CLMN: variants seen among roughly 807,000 people sequenced by gnomAD.
The protein encoded by CLMN is calmin.
A neutral mutation model predicts 92.7 loss-of-function variants in CLMN; 57 were observed. The observed-to-expected ratio is 0.61, with a 90% CI of 0.50 to 0.77. The LOEUF is 0.77. Ranked by LOEUF, CLMN falls within the 30% of genes least tolerant of loss-of-function variation. The pLI, the probability that CLMN is intolerant of heterozygous loss-of-function variation, is 0.00. For missense variants in CLMN, 1,158 were observed against 1,237.5 expected, an observed-to-expected ratio of 0.94 and a Z score of 0.96; for synonymous variants, 466 against 470.6, an observed-to-expected ratio of 0.99 and a Z score of 0.13.
chr14:95,287,863 T>C (rs1003728187), intron 1 of CLMN, among the ~76,000 whole-genome samples: 16 of 152,258 alleles, frequency 1.1e-4, no homozygotes, highest in Non-Finnish European at 1.8e-4. Flanking sequence ...CTATCTGCAT[T>C]TCCCTCCCTG....
chr14:95,311,090 G>A (rs1240215922), intron 1 of CLMN, among the ~76,000 whole-genome samples: 4 of 152,138 alleles, frequency 2.6e-5, no homozygotes, highest in Admixed American at 2.6e-4. Context: ...AGGCCCAAAT[G>A]AGACAGACAT....
At chr14:95,268,023 G>A (rs1197372483) in intron 1 of CLMN, among the ~76,000 whole-genome samples, 2 of 152,108 alleles carry the variant, frequency 1.3e-5, no homozygotes, top group Admixed American at 6.5e-5. Flanking sequence ...GAAGGAGAGA[G>A]GGGAGAGGGG....
chr14:95,214,626 A>G (rs1425370617), intron 5 of CLMN, among the ~76,000 whole-genome samples: 1 of 152,024 alleles, frequency 6.6e-6, no homozygotes, highest in Non-Finnish European at 1.5e-5. Context: ...TTCTGGGATT[A>G]TATGCGTGAG....
At chr14:95,243,806 C>G (rs1212257994) in intron 1 of CLMN, among the ~76,000 whole-genome samples, 7 of 150,920 alleles carry the variant, frequency 4.6e-5, no homozygotes, top group Admixed American at 4.6e-4. Context: ...ACTGGAGAGG[C>G]CTTTCAGTAA....
chr14:95,185,241 T>G lies in CLMN; in HGVS notation c.*6323A>C, dbSNP rs772949046. The G allele has an allele frequency of 6.6e-6, 1 of 152,288 alleles. No individual in the cohort carries two copies. The highest frequency in any genetic ancestry group is 1.5e-5 in the Non-Finnish European group (1 of 68,090). 9.4% of individuals were successfully genotyped at this position (152,288 alleles called of 1,614,324 possible). ...CACCGGGCTCACTTCCATGAGCTGCTGACTGCTGTTTTCCAAGGAAATGCC... is the reference window on the plus strand; with the variant it reads ...CACCGGGCTCACTTCCATGAGCTGCGGACTGCTGTTTTCCAAGGAAATGCC... On this transcript the variant is annotated 3_prime_UTR_variant, in exon 13 of 13. Transcript: ENST00000298912.
chr14:95,254,757 G>A (rs900242771), intron 1 of CLMN, among the ~76,000 whole-genome samples: 2 of 152,188 alleles, frequency 1.3e-5, no homozygotes, highest in African/African-American at 2.4e-5. Flanking sequence ...GAGTGCAGTG[G>A]TGCAATTACG....
At chr14:95,299,737 G>A (rs1230081115) in intron 1 of CLMN, among the ~76,000 whole-genome samples, 1 of 152,154 alleles carries the variant, frequency 6.6e-6, no homozygotes, top group African/African-American at 2.4e-5. Context: ...GATTTTTTCT[G>A]CATTTAAATC....
At chr14:95,319,665 C>T (rs765106821) in intron 1 of CLMN, 46 bp downstream of exon 1, 13 of 1,480,110 alleles carry the variant, frequency 8.8e-6, no homozygotes, top group South Asian at 1.2e-5. Flanking sequence ...GCGCCCCGGG[C>T]CCCCCGAGCG....
At chr14:95,247,015 TG>T (rs2140670402) in intron 1 of CLMN, among the ~76,000 whole-genome samples, 1 of 152,296 alleles carries the variant, frequency 6.6e-6, no homozygotes, top group South Asian at 2.1e-4. Flanking sequence ...TTCACAGTAC[TG>T]ATCAGGCTGT....
At chr14:95,225,568 G>T (rs1340999999) in intron 2 of CLMN, among the ~76,000 whole-genome samples, 1 of 152,252 alleles carries the variant, frequency 6.6e-6, no homozygotes, top group African/African-American at 2.4e-5. Context: ...CATTCAGAGG[G>T]TGTATGCCTT....
At chr14:95,313,206 C>T (rs1457733936) in intron 1 of CLMN, among the ~76,000 whole-genome samples, 16 of 152,106 alleles carry the variant, frequency 1.1e-4, no homozygotes, top group Admixed American at 7.2e-4. Context: ...AACTCTGTCT[C>T]AAAAAAATAA....
Position 95,204,342 on chromosome 14 carries a change from T to C in CLMN, c.1007A>G (p.Tyr336Cys). The change falls in exon 9 of 13, where the codon TAC becomes TGC. Residue 336 changes from tyrosine to cysteine, a missense_variant. Physicochemically the swap from Tyr to Cys is radical, Grantham distance 194. Coordinates refer to ENST00000298912, the MANE Select transcript of CLMN (RefSeq NM_024734.4). ...GTGGCTGGTTTCATGGTTAACAGTG[T>C]AGGTACGCTCCCCATTTTCAGTCAG... ...FVLTENGERT[Y>C]TVNHETSHPP... 1 of 1,614,112 alleles carries C rather than the reference T, an allele frequency of 6.2e-7. No homozygotes were observed. Among genetic ancestry groups the C allele is most frequent in the Non-Finnish European group, 8.5e-7 (1 of 1,180,022 alleles).
Position 95,289,271 on chromosome 14 carries a change from G to T in CLMN, c.82+30440C>A, listed in dbSNP as rs773077676. ...TTTGAGAGGCCAATACAGGCAGATTGCCTGAGTTCAGGAGTGCAAGACCAG... is the reference window on the plus strand; with the variant it reads ...TTTGAGAGGCCAATACAGGCAGATTTCCTGAGTTCAGGAGTGCAAGACCAG... On this transcript the variant is annotated intron_variant, in intron 1 of 12. Transcript: ENST00000298912. Among the ~76,000 whole-genome samples, 84 of 152,236 alleles carry T rather than the reference G, an allele frequency of 5.5e-4. 1 individual carries two copies. The highest frequency in any genetic ancestry group is 2.1e-3 in the Admixed American group (32 of 15,292).
chr14:95,213,461 A>C lies in CLMN; in HGVS notation c.418-52T>G, dbSNP rs750034337. On this transcript the variant is annotated intron_variant, in intron 5 of 12. Transcript: ENST00000298912. ...CCAGCAACAGACCCACCCTCTCAGC[A>C]AGCCCCTTGTCTGGCGGGTGGCCAT... 5 of 1,536,862 alleles carry C rather than the reference A, an allele frequency of 3.3e-6. No homozygotes were observed. In the South Asian group the frequency reaches 6.3e-5, roughly 19 times the overall value.
At chr14:95,240,955 C>T (rs1193705723) in intron 1 of CLMN, among the ~76,000 whole-genome samples, 1 of 152,180 alleles carries the variant, frequency 6.6e-6, no homozygotes, top group Non-Finnish European at 1.5e-5. Flanking sequence ...TGTGAAGTAT[C>T]TGTTTCATGC....
At chr14:95,202,719 G>T in intron 9 of CLMN, 119 bp downstream of exon 9, 2 of 1,136,984 alleles carry the variant, frequency 1.8e-6, no homozygotes, top group Non-Finnish European at 2.5e-6. Context: ...TTGCACCATA[G>T]TAGTCCCAAG....
chr14:95,316,961 G>A lies in CLMN; in HGVS notation c.82+2750C>T, dbSNP rs541529674. On this transcript the variant is annotated intron_variant, in intron 1 of 12. Transcript: ENST00000298912. ...ATCCCACTGTAGCCCTCCTTCCATC[G>A]CCACGACAACTGCGGCTATCTGTGC... Among the ~76,000 whole-genome samples, 8 of 152,252 alleles carry A rather than the reference G, an allele frequency of 5.3e-5. No individual in the cohort carries two copies. The South Asian group carries it at 6.2e-4, about 12-fold the overall frequency.
chr14:95,316,665 T>C (rs1901787847), intron 1 of CLMN, among the ~76,000 whole-genome samples: 2 of 152,220 alleles, frequency 1.3e-5, no homozygotes, highest in African/African-American at 4.8e-5. Flanking sequence ...GAGGCCAAGA[T>C]ACTTCTAAGT....
At chr14:95,270,700 A>G (rs1409673249) in intron 1 of CLMN, among the ~76,000 whole-genome samples, 2 of 152,150 alleles carry the variant, frequency 1.3e-5, no homozygotes, top group Non-Finnish European at 2.9e-5. Context: ...TTCTTTCTTC[A>G]TTCACCAGTT....
Sources: gnomAD v4.1 joint callset for allele counts (sites outside exome capture counted in the v4.1 genomes callset) on GRCh38, gnomAD v4.1.1 for gene constraint, MANE v1.5 for transcripts, NCBI Gene and HGNC (gene_info 2026-07-23, HGNC 2026-07-21) for gene names.